PACS1: variants seen among roughly 807,000 people sequenced by gnomAD.
PACS1 encodes phosphofurin acidic cluster sorting protein 1.
Under a neutral mutation model 115.0 loss-of-function variants are expected in PACS1, and 24 were observed. The observed-to-expected ratio is 0.21, with a 90% CI of 0.15 to 0.29. PACS1 has a LOEUF of 0.29. Ranked by LOEUF, PACS1 falls within the 10% of genes least tolerant of loss-of-function variation. The probability of loss-of-function intolerance (pLI) is 1.00; values close to 1 mark genes in which losing one functional copy is unlikely to be tolerated. For missense variants in PACS1, 838 were observed against 1,251.2 expected (o/e 0.67, Z 4.98); for synonymous variants, 453 against 504.5 (o/e 0.90, Z 1.37).
chr11:66,237,162 C>G (rs1855721669), intron 19 of PACS1, among the ~76,000 whole-genome samples: 1 of 152,242 alleles, frequency 6.6e-6, no homozygotes, highest in Non-Finnish European at 1.5e-5. Flanking sequence ...CGTGATCCGG[C>G]TGCCTTGGCC....
intron 1 of PACS1, among the ~76,000 whole-genome samples, chr11:66,073,448 T>C (rs958430716): frequency 6.6e-6 from 1 of 152,172 alleles, no homozygotes; most frequent in African/African-American, 2.4e-5. Flanking sequence ...AAGAATGTCA[T>C]GGGATTTGGT....
intron 10 of PACS1, among the ~76,000 whole-genome samples, chr11:66,224,551 G>A (rs956047136): frequency 6.6e-6 from 1 of 152,206 alleles, no homozygotes; most frequent in African/African-American, 2.4e-5. Context: ...TGCCATTTCA[G>A]TTGTGGACTC....
intron 1 of PACS1, among the ~76,000 whole-genome samples, chr11:66,085,957 T>C (rs1242348483): frequency 6.6e-6 from 1 of 152,178 alleles, no homozygotes; most frequent in Non-Finnish European, 1.5e-5. Context: ...TACAGGTGTA[T>C]TGTGTTGGTC....
intron 1 of PACS1, among the ~76,000 whole-genome samples, chr11:66,135,353 C>CT (rs781533756): frequency 5.3e-4 from 80 of 152,274 alleles, no homozygotes; most frequent in Middle Eastern, 3.4e-3. Context: ...AGAAGCCACG[C>CT]TAAGGACTCA....
chr11:66,183,846 A>G (rs1860058574), intron 1 of PACS1, among the ~76,000 whole-genome samples: 2 of 152,122 alleles, frequency 1.3e-5, no homozygotes, highest in African/African-American at 4.8e-5. Context: ...GATTATTCAG[A>G]ATTTTCTAGA....
chr11:66,161,201 T>G (rs986255060), intron 1 of PACS1, among the ~76,000 whole-genome samples: 7 of 152,306 alleles, frequency 4.6e-5, no homozygotes, highest in Admixed American at 1.3e-4. Context: ...ATGGCACTCA[T>G]GAGTGGTGCC....
intron 8 of PACS1, among the ~76,000 whole-genome samples, chr11:66,220,036 G>A (rs1056443508): frequency 2.6e-5 from 4 of 152,052 alleles, no homozygotes; most frequent in African/African-American, 4.8e-5. Context: ...AGCTACGCCC[G>A]ACCCTTGGTG....
intron 1 of PACS1, among the ~76,000 whole-genome samples, chr11:66,107,626 G>A (rs1471898675): frequency 6.6e-6 from 1 of 152,116 alleles, no homozygotes. Flanking sequence ...CCTCTGCTTG[G>A]AATTCTTTTA....
Position 66,129,130 on chromosome 11 carries a change from GA to G in PACS1, c.356+58289del, listed in dbSNP as rs1235171058. Reference sequence around the variant, plus strand: ...ATACTGTAATGTCAATTTAAAAATTGATTAAAGTTAGTAAGAAGGGGCCAGG... The same window carrying G: ...ATACTGTAATGTCAATTTAAAAATTGTTAAAGTTAGTAAGAAGGGGCCAGG... On this transcript the variant is annotated intron_variant, in intron 1 of 23. Transcript: ENST00000320580. Among the ~76,000 whole-genome samples the G allele has an allele frequency of 9.2e-5, 14 of 151,834 alleles. No individual in the cohort carries two copies. In the East Asian group the frequency reaches 2.5e-3, roughly 28 times the overall value.
intron 2 of PACS1, among the ~76,000 whole-genome samples, chr11:66,207,406 G>C (rs1319733229): frequency 6.6e-6 from 1 of 151,936 alleles, no homozygotes; most frequent in Non-Finnish European, 1.5e-5. Flanking sequence ...GGCGGAGATT[G>C]CAGTGAGCCG....
intron 1 of PACS1, 43 bp from the exon 2 acceptor site, chr11:66,193,443 A>G: frequency 7.3e-7 from 1 of 1,374,842 alleles, no homozygotes; most frequent in South Asian, 1.2e-5. Flanking sequence ...TTTTCTCGCA[A>G]GTTCCTCGCA....
rs1216305823 is a variant in PACS1, at chr11:66,210,504, C to T, written c.534+53C>T. The T allele has an allele frequency of 4.8e-6, 6 of 1,251,192 alleles. No homozygotes were observed. The African/African-American group carries it at 9.2e-5, about 19-fold the overall frequency. 77.5% of individuals were successfully genotyped at this position (1,251,192 alleles called of 1,614,324 possible). On this transcript the variant is annotated intron_variant, in intron 3 of 23. Transcript: ENST00000320580. Reference sequence around the variant, plus strand: ...AACATGCTATATCCTGGCTAGTCCCCAGACAGTCCTCTAACCCAGAGACTG... The same window carrying T: ...AACATGCTATATCCTGGCTAGTCCCTAGACAGTCCTCTAACCCAGAGACTG...
At chr11:66,131,509 C>G (rs1022542796) in intron 1 of PACS1, among the ~76,000 whole-genome samples, 1 of 152,030 alleles carries the variant, frequency 6.6e-6, no homozygotes, top group Admixed American at 6.6e-5. Flanking sequence ...TTCTTCTGTC[C>G]CTCATCTACC....
At chr11:66,133,839 T>C (rs1046231444) in intron 1 of PACS1, among the ~76,000 whole-genome samples, 7 of 152,184 alleles carry the variant, frequency 4.6e-5, no homozygotes, top group Admixed American at 4.6e-4. Context: ...AAAGCAATGC[T>C]TTCTTCTTTT....
chr11:66,201,150 T>A (rs1590814751), intron 2 of PACS1, among the ~76,000 whole-genome samples: 1 of 151,034 alleles, frequency 6.6e-6, no homozygotes, highest in African/African-American at 2.4e-5. Flanking sequence ...ACCCTGGAGG[T>A]GGAGGTTACA....
At chr11:66,159,397 A>G (rs570748832) in intron 1 of PACS1, among the ~76,000 whole-genome samples, 70 of 152,174 alleles carry the variant, frequency 4.6e-4, no homozygotes, top group African/African-American at 1.7e-3. Context: ...AGATCACGCC[A>G]TTGCCCTCCA....
intron 4 of PACS1, 53 bp from the exon 5 acceptor site, chr11:66,216,066 T>C: frequency 6.3e-7 from 1 of 1,595,540 alleles, no homozygotes; most frequent in East Asian, 2.2e-5. Context: ...TTGGCTGTGT[T>C]TCTCCAGGTG....
At chr11:66,126,461 A>G (rs1224003314) in intron 1 of PACS1, among the ~76,000 whole-genome samples, 4 of 152,192 alleles carry the variant, frequency 2.6e-5, no homozygotes, top group Non-Finnish European at 5.9e-5. Flanking sequence ...CAGCTATTGA[A>G]CTGGGAAACA....
chr11:66,206,740 A>T (rs1340701744), intron 2 of PACS1, among the ~76,000 whole-genome samples: 1 of 152,052 alleles, frequency 6.6e-6, no homozygotes, highest in Admixed American at 6.6e-5. Flanking sequence ...GTCACGGTAG[A>T]CCTGGTTGAG....
Sources: allele counts gnomAD v4.1 joint callset (sites outside exome capture counted in the v4.1 genomes callset), GRCh38; gene constraint gnomAD v4.1.1; transcripts MANE v1.5; gene names NCBI Gene and HGNC (gene_info 2026-07-23, HGNC 2026-07-21).